ALDH18A1: variants seen among roughly 807,000 people sequenced by gnomAD.
ALDH18A1 encodes the protein aldehyde dehydrogenase 18 family member A1.
In ALDH18A1, 44 loss-of-function variants were observed where a neutral mutation model predicts 88.8. The observed-to-expected ratio is 0.50, with a 90% CI of 0.39 to 0.64. The LOEUF is 0.64. ALDH18A1 is among the 30% of genes least tolerant of loss of function. ALDH18A1 has a pLI of 0.00. For synonymous variants in ALDH18A1, 331 were observed against 372.1 expected (o/e 0.89, Z 1.27); for missense variants, 782 against 1,009.5 (o/e 0.77, Z 3.05).
rs190897260 is a variant in ALDH18A1, at chr10:95,637,908, C to A, written c.304-472G>T. On this transcript the variant is annotated intron_variant, in intron 3 of 17. Transcript: ENST00000371224. ...TCAGGGAGGTTAAGACTGCAGTAAC[C>A]CATGATCGCACCACCACACTCCAAC... Among the ~76,000 whole-genome samples the A allele has an allele frequency of 3.9e-5, 6 of 152,024 alleles. No homozygotes were observed. The East Asian group carries it at 5.8e-4, about 15-fold the overall frequency.
chr10:95,633,498 C>T lies in ALDH18A1; in HGVS notation c.710G>A (p.Gly237Glu). ...PPAEPNSDLQ[G>E]VNVISVKDND... ...TAGAAATACTTTACCCACATTTACCCCCTGCAGGTCACTGTTGGGCTCAGC... is the reference window on the plus strand; with the variant it reads ...TAGAAATACTTTACCCACATTTACCTCCTGCAGGTCACTGTTGGGCTCAGC... Residue 237 changes from glycine (G) to glutamate (E), a missense_variant, in exon 6 of 18, where the codon GGG becomes GAG. Coordinates refer to ENST00000371224, the MANE Select transcript of ALDH18A1 (RefSeq NM_002860.4). 6.2e-7 allele frequency: 1 copy of T among 1,614,140 alleles called. No homozygotes were observed. Among genetic ancestry groups the T allele is most frequent in the South Asian group, 1.1e-5 (1 of 91,080 alleles).
chr10:95,636,028 G>A (rs1377434098), intron 5 of ALDH18A1, among the ~76,000 whole-genome samples: 1 of 152,104 alleles, frequency 6.6e-6, no homozygotes, highest in Non-Finnish European at 1.5e-5. Context: ...CAGAAAGTGG[G>A]GTCCCCAGCC....
intron 15 of ALDH18A1, among the ~76,000 whole-genome samples, chr10:95,612,106 C>A (rs1206649160): frequency 6.6e-6 from 1 of 152,210 alleles, no homozygotes; most frequent in East Asian, 1.9e-4. Context: ...TACCTAGGCA[C>A]TAGACTCGTG....
At chr10:95,620,567 C>T (rs1196382520) in intron 12 of ALDH18A1, among the ~76,000 whole-genome samples, 5 of 152,048 alleles carry the variant, frequency 3.3e-5, no homozygotes, top group Admixed American at 6.6e-5. Context: ...ATTAAGAAAA[C>T]GTGGCACATA....
chr10:95,610,742 G>A (rs1043707481), intron 16 of ALDH18A1, among the ~76,000 whole-genome samples: 9 of 152,192 alleles, frequency 5.9e-5, no homozygotes, highest in African/African-American at 1.9e-4. Context: ...AGCACACAGT[G>A]AGTGCTTGGT....
At chr10:95,620,159 T>C (rs903953050) in intron 12 of ALDH18A1, among the ~76,000 whole-genome samples, 8 of 152,222 alleles carry the variant, frequency 5.3e-5, no homozygotes, top group Non-Finnish European at 1.2e-4. Context: ...AAGACATTTA[T>C]GCAGCCAACA....
At chr10:95,624,394 C>T (rs1218481193) in intron 11 of ALDH18A1, among the ~76,000 whole-genome samples, 2 of 152,070 alleles carry the variant, frequency 1.3e-5, no homozygotes, top group Admixed American at 1.3e-4. Context: ...AAGATTTCTT[C>T]CAGTTCTGAA....
At chr10:95,615,294 G>A (rs1251182626) in intron 13 of ALDH18A1, among the ~76,000 whole-genome samples, 1 of 150,724 alleles carries the variant, frequency 6.6e-6, no homozygotes, top group East Asian at 1.9e-4. Flanking sequence ...AGCCAAGATT[G>A]TGCCACTGAA....
At chr10:95,619,544 A>G (rs2097848978) in intron 12 of ALDH18A1, among the ~76,000 whole-genome samples, 1 of 152,212 alleles carries the variant, frequency 6.6e-6, no homozygotes, top group African/African-American at 2.4e-5. Context: ...ACTACACTAC[A>G]AGGCTACAGT....
intron 8 of ALDH18A1, 33 bp from the exon 9 acceptor site, chr10:95,627,619 GA>G: frequency 6.2e-7 from 1 of 1,613,224 alleles, no homozygotes. Context: ...GTAAAGATGA[GA>G]TTCAGACCTA....
Position 95,637,383 on chromosome 10 carries a change from G to A in ALDH18A1, c.357C>T (p.Ala119=), listed in dbSNP as rs767594147. 1.3e-4 allele frequency: 205 copies of A among 1,614,070 alleles called. No homozygotes were observed. Among genetic ancestry groups the A allele is most frequent in the Non-Finnish European group, 1.6e-4 (189 of 1,180,040 alleles). ...GREMMLVTSG[A]VAFGKQRLRH... is the part of the protein sequence containing the mutation. ...GCAAGCGTTGTTTGCCAAAGGCTAC[G>A]GCTCCACTGGTCACCAGCATCATCT... The change falls in exon 4 of 18, where the codon GCC becomes GCT. Residue 119 remains alanine (A), a synonymous_variant. Transcript: ENST00000371224.
At chr10:95,625,523 T>C in intron 10 of ALDH18A1, 68 bp from the exon 11 acceptor site, 1 of 1,351,528 alleles carries the variant, frequency 7.4e-7, no homozygotes. Flanking sequence ...CCACAGTTTT[T>C]AAACCTACTC....
chr10:95,624,570 A>C (rs995027042), intron 11 of ALDH18A1, among the ~76,000 whole-genome samples: 2 of 152,232 alleles, frequency 1.3e-5, no homozygotes, highest in African/African-American at 2.4e-5. Context: ...AATGCAAAGG[A>C]AATTCAAAAC....
intron 3 of ALDH18A1, among the ~76,000 whole-genome samples, chr10:95,642,403 C>G (rs1278596432): frequency 6.6e-6 from 1 of 152,148 alleles, no homozygotes; most frequent in African/African-American, 2.4e-5. Flanking sequence ...CACTTGAGCC[C>G]AGCAGTTGGA....
At chr10:95,620,191 C>T (rs1386735693) in intron 12 of ALDH18A1, among the ~76,000 whole-genome samples, 16 of 152,302 alleles carry the variant, frequency 1.1e-4, no homozygotes, top group Non-Finnish European at 1.9e-4. Context: ...AAATGTTCAT[C>T]GTCACTGGTC....
chr10:95,646,789 A>C (rs1027920188), intron 2 of ALDH18A1, among the ~76,000 whole-genome samples: 1 of 152,132 alleles, frequency 6.6e-6, no homozygotes, highest in African/African-American at 2.4e-5. Flanking sequence ...GGGCATACTG[A>C]AGTGTATGTG....
intron 7 of ALDH18A1, among the ~76,000 whole-genome samples, chr10:95,631,511 G>A (rs949725637): frequency 5.9e-5 from 9 of 152,092 alleles, no homozygotes; most frequent in Admixed American, 1.3e-4. Flanking sequence ...TTGGGAGGCT[G>A]AGGCAGGTGG....
intron 7 of ALDH18A1, among the ~76,000 whole-genome samples, chr10:95,632,074 G>A (rs549896732): frequency 2.0e-5 from 3 of 152,316 alleles, no homozygotes; most frequent in East Asian, 1.9e-4. Context: ...GATACATGCT[G>A]TAAAATGGAT....
Position 95,643,128 on chromosome 10 carries a change from G to A in ALDH18A1, c.167C>T (p.Thr56Ile). The A allele has an allele frequency of 6.2e-7, 1 of 1,614,254 alleles. No homozygotes were observed. Among genetic ancestry groups the A allele is most frequent in the Non-Finnish European group, 8.5e-7 (1 of 1,180,048 alleles). ...GCGGTGGGCGAAGGACTTGCCATGT[G>A]TACGACTGAGGGGTACAGTGATAAA... ...IPFITVPLSR[T>I]HGKSFAHRSE... Residue 56 changes from threonine to isoleucine, a missense_variant, in exon 3 of 18, where the codon ACA becomes ATA. This residue lies in a region of ALDH18A1 where 94 missense variants were observed against 99.5 expected (regional missense o/e 0.94). Transcript: ENST00000371224.
Sources: gnomAD v4.1 joint callset for allele counts (sites outside exome capture counted in the v4.1 genomes callset) on GRCh38, gnomAD v4.1.1 for gene constraint, gnomAD v4.1.1 regional missense constraint, MANE v1.5 for transcripts, NCBI Gene and HGNC (gene_info 2026-07-23, HGNC 2026-07-21) for gene names.